KRT5: variants seen among roughly 807,000 people sequenced by gnomAD.
The protein encoded by KRT5 is keratin 5.
A neutral mutation model predicts 44.0 loss-of-function variants in KRT5; 17 were observed. The ratio of observed to expected loss-of-function variants is 0.39; its 90% confidence interval spans 0.26 to 0.58. The LOEUF (loss-of-function observed/expected upper bound fraction) is 0.58. KRT5 is among the 20% of genes least tolerant of loss of function. The pLI, the probability that KRT5 is intolerant of heterozygous loss-of-function variation, is 0.61. For synonymous variants in KRT5, 329 were observed against 312.8 expected (o/e 1.05, Z -0.55); for missense variants, 737 against 785.5 (o/e 0.94, Z 0.74).
chr12:52,519,166 G>A lies in KRT5; in HGVS notation c.556-6C>T, dbSNP rs764825902. On this transcript the variant is annotated splice_region_variant and splice_polypyrimidine_tract_variant and intron_variant, in intron 1 of 8. Coordinates refer to ENST00000252242, the MANE Select transcript of KRT5 (RefSeq NM_000424.4). The stretch of plus-strand genomic sequence containing the variant: ...TGCTGCTCCAGGAACCGCACCTGGA[G>A]GGGAGCAGGGTTTGAAGATAGAGAA... The A allele has an allele frequency of 3.7e-6, 6 of 1,613,928 alleles. No individual in the cohort carries two copies. The East Asian group carries it at 6.7e-5, about 18-fold the overall frequency.
In KRT5 at chr12:52,517,121, T is replaced by G. The variant is rs776272199; in HGVS notation, c.1204A>C (p.Asn402His). The G allele has an allele frequency of 3.7e-6, 6 of 1,614,168 alleles. No homozygotes were observed. The East Asian group carries it at 1.3e-4, about 36-fold the overall frequency. ...MIQRLRAEID[N>H]VKKQCANLQN... ...TCTCACCCTACCTGTTTCTTGACATTGTCAATCTCGGCTCTCAGCCTCTGG... is the reference window on the plus strand; with the variant it reads ...TCTCACCCTACCTGTTTCTTGACATGGTCAATCTCGGCTCTCAGCCTCTGG... Residue 402 changes from asparagine to histidine, a missense_variant, in exon 6 of 9, where the codon AAT (asparagine) becomes CAT (histidine). By Grantham distance (68) the Asn-to-His change is moderately conservative (BLOSUM62 1). Transcript: ENST00000252242.
At chr12:52,515,261 A>G in intron 8 of KRT5, 21 bp from the exon 9 acceptor site, 1 of 1,603,024 alleles carries the variant, frequency 6.2e-7, no homozygotes, top group African/African-American at 1.3e-5. Flanking sequence ...AGGAGGGAGG[A>G]CTCAGTGAGA....
At position 52,515,240 on chromosome 12, in the gene KRT5, G is replaced by A. The variant is rs1159675209; in HGVS notation, c.1475C>T (p.Ser492Phe). The change falls in exon 9 of 9, where the codon TCT (serine) becomes TTT (phenylalanine). Residue 492 changes from serine to phenylalanine, a missense_variant and splice_region_variant. Ser to Phe is a radical substitution (Grantham distance 155). Around this residue, in one of 5 missense-constraint regions of KRT5, gnomAD observed 344 missense variants for 351.6 expected, o/e 0.98. Transcript: ENST00000252242. ...AGAGGAAACACTGCTTGTGACAACAGCTGCAGGGAAAGGAGGGAGGACTCA... is the reference window on the plus strand; with the variant it reads ...AGAGGAAACACTGCTTGTGACAACAACTGCAGGGAAAGGAGGGAGGACTCA... ...SGEGVGPVNI[S>F]VVTSSVSSGY... 3 of 1,606,074 alleles carry A rather than the reference G, an allele frequency of 1.9e-6. No homozygotes were observed. The highest frequency in any genetic ancestry group is 8.5e-7 in the Non-Finnish European group (1 of 1,179,926).
rs1166831456 is a variant in KRT5, at chr12:52,518,518, C to T, written c.771-355G>A. On this transcript the variant is annotated intron_variant, in intron 2 of 8. Coordinates refer to ENST00000252242, the MANE Select transcript of KRT5 (RefSeq NM_000424.4). ...GCTTTAAAAAAAAAAAGAAAAGAAACAAAATTAAATCTAGCATCCTAGTTG... is the reference window on the plus strand; with the variant it reads ...GCTTTAAAAAAAAAAAGAAAAGAAATAAAATTAAATCTAGCATCCTAGTTG... The T allele has an allele frequency of 5.5e-6, 3 of 545,236 alleles. No homozygotes were observed. The East Asian group carries it at 1.3e-4, about 24-fold the overall frequency. The allele number at this position is 545,236 out of a possible 1,614,324, so 33.8% of individuals were successfully genotyped here. A position where few individuals can be genotyped will look rare whatever the true frequency, so the allele number is the denominator to read the frequency against.
At position 52,520,365 on chromosome 12, in the gene KRT5, G is replaced by GCTCAA. The variant is rs777372599; in HGVS notation, c.-70_-69insTTGAG. 15 of 1,465,474 alleles carry GCTCAA rather than the reference G, an allele frequency of 1.0e-5. No homozygotes were observed. Among genetic ancestry groups the GCTCAA allele is most frequent in the Non-Finnish European group, 1.4e-5 (15 of 1,052,584 alleles). The allele number at this position is 1,465,474 out of a possible 1,614,324, so 90.8% of individuals were successfully genotyped here. ...GTTGGGAGGTGCTGGAGAGAACAGA[G>GCTCAA]CTCAGCAGGACGCAGAAGGTGGCTC... is the stretch of plus-strand genomic sequence containing the variant. On this transcript the variant is annotated 5_prime_UTR_variant, in exon 1 of 9. Transcript: ENST00000252242.
Position 52,520,284 on chromosome 12 carries a change from A to G in KRT5, c.13T>C (p.Ser5Pro), listed in dbSNP as rs1267266121. 1 of 1,613,256 alleles carries G rather than the reference A, an allele frequency of 6.2e-7. No individual in the cohort carries two copies. Among genetic ancestry groups the G allele is most frequent in the Non-Finnish European group, 8.5e-7 (1 of 1,180,006 alleles). The change falls in exon 1 of 9, where the codon TCA (serine) becomes CCA (proline). Residue 5 changes from serine (S) to proline (P), a missense_variant. Ser to Pro is a moderately conservative substitution (Grantham distance 74, BLOSUM62 -1). This residue lies in a region of KRT5 where 326 missense variants were observed against 333.1 expected (regional missense o/e 0.98). Transcript: ENST00000252242. The part of the protein sequence containing the change: MSRQ[S>P]SVSFRSGGSR... ...CCCCCGCTCCGGAAGGACACACTTG[A>G]CTGGCGAGACATGGTGGCTTGTTCC... is the stretch of plus-strand genomic sequence containing the variant.
At chr12:52,516,890 T>A (rs1340975188) in intron 6 of KRT5, 33 bp from the exon 7 acceptor site, 1 of 1,611,210 alleles carries the variant, frequency 6.2e-7, no homozygotes, top group Non-Finnish European at 8.5e-7. Flanking sequence ...TGGGGTTGCT[T>A]GGGACCTGAG....
chr12:52,519,623 AAC>A, intron 1 of KRT5, 117 bp downstream of exon 1: 4 of 1,118,114 alleles, frequency 3.6e-6, no homozygotes, highest in Admixed American at 1.7e-5. Context: ...AACAAACGGA[AAC>A]ACAGAACTGT....
intron 7 of KRT5, chr12:52,516,110 T>A (rs1457110983): frequency 3.6e-6 from 2 of 556,838 alleles, no homozygotes; most frequent in Admixed American, 3.1e-5. Context: ...TGTGATTATG[T>A]CGAAAGCAGT....
At chr12:52,515,973 G>A in intron 7 of KRT5, 141 bp from the exon 8 acceptor site, 2 of 735,752 alleles carry the variant, frequency 2.7e-6, no homozygotes, top group South Asian at 3.0e-5. Flanking sequence ...TAAGTTAAAG[G>A]AAGGGAGAAC....
At position 52,518,984 on chromosome 12, in the gene KRT5, C is replaced by G. The variant is rs1132948; in HGVS notation, c.732G>C (p.Leu244=). ...CTTCCACCAGGTCCTGCATGTTTCT[C>G]AGCTCTGAGTCCAGGCGGCCCCGTT... ...VGERGRLDSE[L]RNMQDLVEDF... The change falls in exon 2 of 9, where the codon CTG becomes CTC. Residue 244 remains leucine, a synonymous_variant. Coordinates refer to ENST00000252242, the MANE Select transcript of KRT5 (RefSeq NM_000424.4). 18 of 1,613,954 alleles carry G rather than the reference C, an allele frequency of 1.1e-5. No homozygotes were observed. The highest frequency in any genetic ancestry group is 1.4e-5 in the Non-Finnish European group (17 of 1,180,000).
chr12:52,517,480 C>T lies in KRT5; in HGVS notation c.1092+110G>A, dbSNP rs367918420. 1.5e-3 allele frequency: 1,850 copies of T among 1,236,066 alleles called. 36 individuals carry two copies. In the South Asian group the frequency reaches 0.021, roughly 14 times the overall value. 76.6% of individuals were successfully genotyped at this position (1,236,066 alleles called of 1,614,324 possible). On this transcript the variant is annotated intron_variant, in intron 5 of 8. Transcript: ENST00000252242. ...TACACAGCCATTCCTATAAAGCATC[C>T]CAATGGGCTTCAGCAGGTTCCAGGA...
intron 7 of KRT5, chr12:52,516,073 T>G: frequency 1.4e-5 from 8 of 592,528 alleles, no homozygotes; most frequent in Non-Finnish European, 2.4e-5. Flanking sequence ...CCACCCACTA[T>G]GGGGAAAGTA....
At position 52,517,965 on chromosome 12, in the gene KRT5, C is replaced by G. The variant is rs750633567; in HGVS notation, c.859G>C (p.Val287Leu). ...KDVDAAYMNK[V>L]ELEAKVDALM... Reference sequence around the variant, plus strand: ...GCATCAACCTTGGCCTCCAGCTCCACCTTGTTCATGTAGGCAGCATCTACA... The same window carrying G: ...GCATCAACCTTGGCCTCCAGCTCCAGCTTGTTCATGTAGGCAGCATCTACA... The change falls in exon 4 of 9, where the codon GTG becomes CTG. Residue 287 changes from valine to leucine, a missense_variant. By Grantham distance (32) the Val-to-Leu change is conservative. Around this residue, in one of 5 missense-constraint regions of KRT5, gnomAD observed 59 missense variants for 62.5 expected, o/e 0.94. Transcript: ENST00000252242. 1 of 1,614,074 alleles carries G rather than the reference C, an allele frequency of 6.2e-7. No individual in the cohort carries two copies. The highest frequency in any genetic ancestry group is 1.3e-5 in the African/African-American group (1 of 74,954).
intron 5 of KRT5, 128 bp downstream of exon 5, chr12:52,517,462 C>T: frequency 1.8e-6 from 2 of 1,117,800 alleles, no homozygotes; most frequent in Non-Finnish European, 2.7e-6. Flanking sequence ...GTCTACACAG[C>T]CATTCCTATA....
intron 5 of KRT5, 86 bp downstream of exon 5, chr12:52,517,504 G>C: frequency 2.8e-6 from 4 of 1,427,112 alleles, no homozygotes; most frequent in South Asian, 1.1e-5. Flanking sequence ...CAGGTTCCAG[G>C]AGCCCCATTC....
intron 2 of KRT5, chr12:52,518,410 A>T (rs998689487): frequency 1.4e-5 from 9 of 650,554 alleles, no homozygotes; most frequent in Non-Finnish European, 2.3e-5. Flanking sequence ...TTTCAAGCAG[A>T]TTCCTGCAGA....
At chr12:52,515,645 C>T in intron 8 of KRT5, 153 bp downstream of exon 8, 1 of 731,050 alleles carries the variant, frequency 1.4e-6, no homozygotes, top group Non-Finnish European at 2.5e-6. Flanking sequence ...TCTGTCCTTC[C>T]CCTCCACCAC....
chr12:52,516,178 C>A, intron 7 of KRT5: 1 of 453,150 alleles, frequency 2.2e-6, no homozygotes. Flanking sequence ...GAAATTCCTC[C>A]AACAGAAAGT....
Sources: gnomAD v4.1 joint callset for allele counts on GRCh38, gnomAD v4.1.1 for gene constraint, gnomAD v4.1.1 regional missense constraint, MANE v1.5 for transcripts, NCBI Gene and HGNC (gene_info 2026-07-23, HGNC 2026-07-21) for gene names.